Variants in PPP2R2B observed in about 807,000 individuals in gnomAD.
PPP2R2B encodes protein phosphatase 2 regulatory subunit Bbeta.
In PPP2R2B, 5 loss-of-function variants were observed where a neutral mutation model predicts 46.0. The observed-to-expected ratio is 0.11, with a 90% confidence interval of 0.06 to 0.23. The LOEUF is 0.23. Among genes scored for constraint, PPP2R2B ranks in the 10% least tolerant of loss-of-function variants. The probability of loss-of-function intolerance (pLI) is 1.00; values close to 1 mark genes in which losing one functional copy is unlikely to be tolerated. For missense variants in PPP2R2B, 367 were observed against 575.0 expected, an observed-to-expected ratio of 0.64 and a Z score of 3.70; for synonymous variants, 215 against 206.7, an observed-to-expected ratio of 1.04 and a Z score of -0.34.
At chr5:146,847,466 A>G (rs1760076086) in intron 2 of PPP2R2B, among the ~76,000 whole-genome samples, 1 of 151,760 alleles carries the variant, frequency 6.6e-6, no homozygotes, top group East Asian at 1.9e-4. Context: ...GTCAACTTCT[A>G]CTCTATTCTC....
intron 1 of PPP2R2B, among the ~76,000 whole-genome samples, chr5:146,974,603 C>T (rs1046205514): frequency 6.6e-6 from 1 of 152,026 alleles, no homozygotes; most frequent in Admixed American, 6.6e-5. Context: ...TAGCATAATC[C>T]TAGGCACAAA....
At chr5:146,918,009 A>T (rs1441578602) in intron 1 of PPP2R2B, 2 of 152,250 alleles carry the variant, frequency 1.3e-5, no homozygotes, top group African/African-American at 4.8e-5. Flanking sequence ...CTGCAGTAAG[A>T]TGCCCCCTCA....
At chr5:146,814,013 T>C (rs1294599785) in intron 2 of PPP2R2B, among the ~76,000 whole-genome samples, 1 of 152,102 alleles carries the variant, frequency 6.6e-6, no homozygotes, top group Non-Finnish European at 1.5e-5. Flanking sequence ...ACTTGAAGAA[T>C]ATCAGTAAGG....
At chr5:146,907,706 A>C (rs112459500) in intron 1 of PPP2R2B, among the ~76,000 whole-genome samples, 33 of 152,332 alleles carry the variant, frequency 2.2e-4, no homozygotes, top group Middle Eastern at 6.8e-3. Flanking sequence ...GGCCCAGCTA[A>C]GTTTTTGTCT....
intron 2 of PPP2R2B, among the ~76,000 whole-genome samples, chr5:146,815,031 G>C (rs1165221834): frequency 6.6e-6 from 1 of 152,178 alleles, no homozygotes; most frequent in Non-Finnish European, 1.5e-5. Context: ...ACGTGACTCA[G>C]ATACGTTCCG....
rs1408604233 is a variant in PPP2R2B at position 146,588,448 on chromosome 5, C to G, written c.*1499G>C. On this transcript the variant is annotated 3_prime_UTR_variant, in exon 10 of 10. Coordinates refer to ENST00000394411, the MANE Select transcript of PPP2R2B (RefSeq NM_181675.4). ...ATCTGTAAACTGAAAGAAAATTTCC[C>G]TTTCATTGAAAAACTCTCATCTCAA... 1.3e-5 allele frequency: 2 copies of G among 152,170 alleles called. No homozygotes were observed. Among genetic ancestry groups the G allele is most frequent in the African/African-American group, 2.4e-5 (1 of 41,442 alleles). The allele number at this position is 152,170 out of a possible 1,614,324, so 9.4% of individuals were successfully genotyped here.
intron 1 of PPP2R2B, among the ~76,000 whole-genome samples, chr5:146,993,770 A>G (rs771007069): frequency 1.3e-5 from 2 of 151,998 alleles, no homozygotes; most frequent in Non-Finnish European, 2.9e-5. Context: ...AACTGTCATC[A>G]TTGTCATTGT....
At chr5:146,888,897 A>G (rs1582365999) in intron 1 of PPP2R2B, among the ~76,000 whole-genome samples, 1 of 152,286 alleles carries the variant, frequency 6.6e-6, no homozygotes, top group East Asian at 1.9e-4. Flanking sequence ...ACCTTCCTTG[A>G]CTACTCTGTA....
At chr5:146,910,043 T>A (rs1763125542) in intron 1 of PPP2R2B, among the ~76,000 whole-genome samples, 1 of 152,208 alleles carries the variant, frequency 6.6e-6, no homozygotes, top group African/African-American at 2.4e-5. Flanking sequence ...ACTCATCCTT[T>A]CTCATCTCCT....
chr5:146,742,361 G>A (rs150963145), intron 2 of PPP2R2B, among the ~76,000 whole-genome samples: 20 of 152,262 alleles, frequency 1.3e-4, no homozygotes, highest in East Asian at 3.9e-4. Flanking sequence ...ACTCTGGATG[G>A]CTAGGGTTTA....
intron 1 of PPP2R2B, among the ~76,000 whole-genome samples, chr5:146,996,369 G>A (rs1358082353): frequency 6.6e-6 from 1 of 152,120 alleles, no homozygotes; most frequent in Non-Finnish European, 1.5e-5. Context: ...TAGATAATTA[G>A]GTTCTTCTAA....
In PPP2R2B at chr5:146,589,831, C is replaced by G; in HGVS notation, c.*116G>C. 1 of 1,090,222 alleles carries G rather than the reference C, an allele frequency of 9.2e-7. No individual in the cohort carries two copies. Among genetic ancestry groups the G allele is most frequent in the South Asian group, 1.5e-5 (1 of 65,474 alleles). 67.5% of individuals were successfully genotyped at this position (1,090,222 alleles called of 1,614,324 possible). A position where few individuals can be genotyped will look rare whatever the true frequency, so the allele number is the denominator to read the frequency against. On this transcript the variant is annotated 3_prime_UTR_variant, in exon 10 of 10. Coordinates refer to ENST00000394411, the MANE Select transcript of PPP2R2B (RefSeq NM_181675.4). ...GGACTCCTTTTAATTCTATTCCAAT[C>G]ATTTCCTGTATAGGGAAATTAAAGT...
chr5:146,591,755 G>T (rs773182721), intron 9 of PPP2R2B, among the ~76,000 whole-genome samples: 2 of 150,178 alleles, frequency 1.3e-5, no homozygotes, highest in Admixed American at 6.6e-5. Context: ...AAAGAGTGTT[G>T]ATCTTAGGAT....
chr5:146,808,390 T>G (rs188661055), intron 2 of PPP2R2B, among the ~76,000 whole-genome samples: 51 of 152,316 alleles, frequency 3.3e-4, no homozygotes, highest in Non-Finnish European at 5.9e-5. Context: ...GAGAATCCAA[T>G]TGCTGAAAAT....
chr5:146,808,958 G>GGTGTGTGTGTGTGTGTGTGTGTGT (rs35023590), intron 2 of PPP2R2B, among the ~76,000 whole-genome samples: 3 of 146,374 alleles, frequency 2.0e-5, no homozygotes, highest in Admixed American at 6.8e-5. Context: ...TGCTAACACT[G>GGTGTGTGTGTGTGTGTGTGTGTGT]GTGTGTGTGT....
chr5:146,783,590 A>T (rs1051811024), intron 2 of PPP2R2B, among the ~76,000 whole-genome samples: 26 of 152,354 alleles, frequency 1.7e-4, no homozygotes, highest in African/African-American at 5.3e-4. Flanking sequence ...AAAAATAATT[A>T]ATGTCAGAGG....
At chr5:146,926,749 C>A (rs939744108) in intron 1 of PPP2R2B, among the ~76,000 whole-genome samples, 2 of 152,116 alleles carry the variant, frequency 1.3e-5, no homozygotes, top group South Asian at 2.1e-4. Context: ...TCTGCTGGAC[C>A]TTTTTGAGTC....
intron 1 of PPP2R2B, among the ~76,000 whole-genome samples, chr5:147,049,286 G>A (rs1037572536): frequency 1.4e-4 from 22 of 152,138 alleles, no homozygotes; most frequent in African/African-American, 5.3e-4. Context: ...GAAGGAAATT[G>A]AGGATGGCTC....
At chr5:146,978,330 C>T (rs1031856669) in intron 1 of PPP2R2B, among the ~76,000 whole-genome samples, 2 of 152,106 alleles carry the variant, frequency 1.3e-5, no homozygotes, top group Non-Finnish European at 2.9e-5. Flanking sequence ...TGCCTGTTAA[C>T]TCTCATGATA....
Sources: allele counts gnomAD v4.1 joint callset (sites outside exome capture counted in the v4.1 genomes callset), GRCh38; gene constraint gnomAD v4.1.1; transcripts MANE v1.5; gene names NCBI Gene and HGNC (gene_info 2026-07-23, HGNC 2026-07-21).